The following MTUS2 variants were observed in gnomAD, a reference collection of about 807,000 sequenced individuals.
MTUS2 encodes the protein microtubule associated scaffold protein 2.
MTUS2 carries 40 observed loss-of-function variants against 114.1 expected under a neutral mutation model. The ratio of observed to expected loss-of-function variants is 0.35; its 90% confidence interval spans 0.27 to 0.46. MTUS2 has a LOEUF of 0.46. Among genes scored for constraint, MTUS2 ranks in the 20% least tolerant of loss-of-function variants. The pLI is 1.00. For missense variants in MTUS2, 1,679 were observed against 1,705.4 expected, an observed-to-expected ratio of 0.98 and a Z score of 0.27; for synonymous variants, 688 against 672.0, an observed-to-expected ratio of 1.02 and a Z score of -0.37.
At chr13:29,403,582 C>T (rs1009054681) in intron 8 of MTUS2, among the ~76,000 whole-genome samples, 5 of 152,156 alleles carry the variant, frequency 3.3e-5, no homozygotes, top group South Asian at 2.1e-4. Context: ...TCCAATTAGT[C>T]GAAGGCCCTA....
chr13:28,923,999 C>T (rs558545301), intron 2 of MTUS2, among the ~76,000 whole-genome samples: 33 of 152,216 alleles, frequency 2.2e-4, no homozygotes, highest in Middle Eastern at 3.4e-3. Flanking sequence ...AGAGTGATTC[C>T]CCTAGTCACT....
intron 5 of MTUS2, among the ~76,000 whole-genome samples, chr13:29,231,505 G>A (rs1896324060): frequency 6.6e-6 from 1 of 152,126 alleles, no homozygotes; most frequent in Non-Finnish European, 1.5e-5. Flanking sequence ...TGCACGTTTT[G>A]CACTAATTCT....
At chr13:29,390,001 GTGTA>G (rs1873267086) in intron 8 of MTUS2, among the ~76,000 whole-genome samples, 2 of 9,666 alleles carry the variant, frequency 2.1e-4, no homozygotes, top group Admixed American at 2.4e-3. Flanking sequence ...ATGTATGTAT[GTGTA>G]TATATACACA....
At chr13:28,940,284 A>G (rs1321576465) in intron 2 of MTUS2, among the ~76,000 whole-genome samples, 3 of 152,256 alleles carry the variant, frequency 2.0e-5, no homozygotes, top group Non-Finnish European at 4.4e-5. Flanking sequence ...ATTATTAGCT[A>G]TAAAAAGGAA....
chr13:29,385,665 C>T (rs1035995310), intron 8 of MTUS2, among the ~76,000 whole-genome samples: 3 of 152,016 alleles, frequency 2.0e-5, no homozygotes, highest in Non-Finnish European at 4.4e-5. Flanking sequence ...TGTCCTTTTT[C>T]CCCAGCTTGG....
chr13:28,907,608 C>T (rs1880119784), intron 2 of MTUS2, among the ~76,000 whole-genome samples: 1 of 151,316 alleles, frequency 6.6e-6, no homozygotes, highest in Admixed American at 6.6e-5. Flanking sequence ...CAATCCTAGT[C>T]TCGGATAAAA....
intron 4 of MTUS2, among the ~76,000 whole-genome samples, chr13:29,069,035 A>C (rs1279746299): frequency 6.6e-6 from 1 of 152,192 alleles, no homozygotes; most frequent in Non-Finnish European, 1.5e-5. Flanking sequence ...GCAGAATACC[A>C]GAAAGGACAG....
intron 8 of MTUS2, among the ~76,000 whole-genome samples, chr13:29,392,939 A>G (rs1199130601): frequency 6.6e-6 from 1 of 152,224 alleles, no homozygotes. Context: ...AGTGGCATCT[A>G]TGCAATGATA....
chr13:29,448,942 T>C (rs1464103607), intron 9 of MTUS2, among the ~76,000 whole-genome samples: 2 of 151,836 alleles, frequency 1.3e-5, no homozygotes, highest in Non-Finnish European at 2.9e-5. Flanking sequence ...TTAGTAGAGT[T>C]GGGGTTTCGC....
intron 5 of MTUS2, among the ~76,000 whole-genome samples, chr13:29,157,951 A>G (rs1892933646): frequency 6.6e-6 from 1 of 152,224 alleles, no homozygotes; most frequent in Admixed American, 6.5e-5. Flanking sequence ...GTGACAAAAT[A>G]GAAATGGAGA....
At chr13:28,948,518 C>T (rs1882648374) in intron 2 of MTUS2, among the ~76,000 whole-genome samples, 1 of 152,152 alleles carries the variant, frequency 6.6e-6, no homozygotes, top group African/African-American at 2.4e-5. Context: ...GTCTGAAGTT[C>T]TGTGCGTGAG....
intron 6 of MTUS2, among the ~76,000 whole-genome samples, chr13:29,301,139 G>T (rs1899187307): frequency 6.6e-6 from 1 of 152,194 alleles, no homozygotes; most frequent in East Asian, 1.9e-4. Flanking sequence ...TGAGGGATGA[G>T]GGGAAAGCCC....
At chr13:29,458,900 A>G (rs905388621) in intron 9 of MTUS2, among the ~76,000 whole-genome samples, 2 of 152,242 alleles carry the variant, frequency 1.3e-5, no homozygotes, top group African/African-American at 4.8e-5. Context: ...TGAGAGGCCT[A>G]TGGGTGGCCG....
intron 5 of MTUS2, among the ~76,000 whole-genome samples, chr13:29,184,465 GA>G (rs551767608): frequency 6.6e-5 from 10 of 152,264 alleles, no homozygotes; most frequent in Non-Finnish European, 1.5e-4. Flanking sequence ...TGGAAGACCT[GA>G]AAAAGCCCCA....
intron 7 of MTUS2, among the ~76,000 whole-genome samples, chr13:29,358,966 A>AAG (rs1322338076): frequency 6.6e-6 from 1 of 151,668 alleles, no homozygotes; most frequent in Non-Finnish European, 1.5e-5. Context: ...GAAAAAAAAA[A>AAG]AAAAAGCTTC....
intron 8 of MTUS2, among the ~76,000 whole-genome samples, chr13:29,374,883 G>T (rs952092746): frequency 6.6e-6 from 1 of 152,146 alleles, no homozygotes; most frequent in African/African-American, 2.4e-5. Flanking sequence ...CCGAGATCAT[G>T]CCATTGCACT....
intron 8 of MTUS2, among the ~76,000 whole-genome samples, chr13:29,432,347 C>G (rs1319251600): frequency 6.6e-6 from 1 of 152,112 alleles, no homozygotes; most frequent in South Asian, 2.1e-4. Flanking sequence ...TCTACATGCA[C>G]AGAAACTCCT....
intron 1 of MTUS2, among the ~76,000 whole-genome samples, chr13:28,824,165 A>T (rs1005336118): frequency 6.6e-6 from 1 of 152,186 alleles, no homozygotes; most frequent in African/African-American, 2.4e-5. Flanking sequence ...TGCCCCAAAG[A>T]ATTTATCTTT....
At chr13:29,457,038 G>C (rs902219737) in intron 9 of MTUS2, among the ~76,000 whole-genome samples, 7 of 151,588 alleles carry the variant, frequency 4.6e-5, no homozygotes, top group African/African-American at 1.7e-4. Flanking sequence ...CCAGCTACTC[G>C]GGAGGCTGAG....
Sources: allele counts gnomAD v4.1 joint callset (sites outside exome capture counted in the v4.1 genomes callset), GRCh38; gene constraint gnomAD v4.1.1; transcripts MANE v1.5; gene names NCBI Gene and HGNC (gene_info 2026-07-23, HGNC 2026-07-21).